Variants in SLC4A4 observed in about 807,000 individuals in gnomAD.
SLC4A4 encodes the protein electrogenic sodium bicarbonate cotransporter 1.
In SLC4A4, 27 loss-of-function variants were observed where a neutral mutation model predicts 111.5. That is an observed-to-expected ratio of 0.24 (90% CI 0.18 to 0.33). The LOEUF (loss-of-function observed/expected upper bound fraction) is 0.33, where lower values mean the gene tolerates loss of function less well. Among genes scored for constraint, SLC4A4 ranks in the 10% least tolerant of loss-of-function variants. The pLI is 1.00. For missense variants in SLC4A4, 909 were observed against 1,315.5 expected, an observed-to-expected ratio of 0.69 and a Z score of 4.78; for synonymous variants, 443 against 463.4, an observed-to-expected ratio of 0.96 and a Z score of 0.57.
intron 16 of SLC4A4, among the ~76,000 whole-genome samples, chr4:71,505,867 A>G (rs553226567): frequency 2.0e-5 from 3 of 152,142 alleles, no homozygotes; most frequent in African/African-American, 7.2e-5. Flanking sequence ...TAATTTTTGT[A>G]TATGGTATAA....
rs145121498 is a variant in SLC4A4 at position 71,260,005 on chromosome 4, G to A, written c.253+4606G>A. Among the ~76,000 whole-genome samples the A allele has an allele frequency of 2.5e-3, 383 of 152,286 alleles. 2 individuals carry two copies. Among genetic ancestry groups the A allele is most frequent in the Admixed American group, 5.3e-3 (81 of 15,294 alleles). ...GTCTTGCCCGTTGTGGAATCATAGC[G>A]CTAGGTATGTCCATACAGACACTCA... On this transcript the variant is annotated intron_variant, in intron 3 of 25. Coordinates refer to ENST00000264485, the MANE Select transcript of SLC4A4 (RefSeq NM_001098484.3).
At chr4:71,079,639 G>A (rs1012667704) in intron 1 of SLC4A4, among the ~76,000 whole-genome samples, 3 of 152,058 alleles carry the variant, frequency 2.0e-5, no homozygotes, top group African/African-American at 7.2e-5. Flanking sequence ...AGCTGGGCGT[G>A]GTGGCACACA....
intron 4 of SLC4A4, among the ~76,000 whole-genome samples, chr4:71,342,307 T>C (rs1728963045): frequency 6.6e-6 from 1 of 152,226 alleles, no homozygotes; most frequent in African/African-American, 2.4e-5. Flanking sequence ...CAAAAGCTTT[T>C]TACTAGTGAA....
At chr4:71,241,319 C>CT (rs1248308269) in intron 2 of SLC4A4, among the ~76,000 whole-genome samples, 4 of 151,986 alleles carry the variant, frequency 2.6e-5, no homozygotes, top group Non-Finnish European at 5.9e-5. Flanking sequence ...CTTTATCAAA[C>CT]TTTTTCATTC....
intron 1 of SLC4A4, among the ~76,000 whole-genome samples, chr4:71,091,817 C>A (rs9999256): frequency 0.32 from 48,551 of 151,902 alleles, 7,912 homozygotes; most frequent in African/African-American, 0.39. Flanking sequence ...TTCTGCAAAG[C>A]CGTCTCTCTC....
At chr4:71,127,779 G>A (rs566162328) in intron 2 of SLC4A4, among the ~76,000 whole-genome samples, 6 of 152,148 alleles carry the variant, frequency 3.9e-5, no homozygotes, top group East Asian at 1.9e-4. Flanking sequence ...ACATAACACC[G>A]ATTAGGGTGT....
Position 71,282,528 on chromosome 4 carries a change from G to A in SLC4A4, c.253+27129G>A, listed in dbSNP as rs144709720. ...ACGAACACCTGATATCAGGTGATCC[G>A]CCCACCTCGGCCTCCCAAAGTGCTG... On this transcript the variant is annotated intron_variant, in intron 3 of 25. Coordinates refer to ENST00000264485, the MANE Select transcript of SLC4A4 (RefSeq NM_001098484.3). Among the ~76,000 whole-genome samples the A allele has an allele frequency of 9.2e-5, 14 of 151,662 alleles. No homozygotes were observed. In the East Asian group the frequency reaches 9.7e-4, roughly 11 times the overall value.
intron 6 of SLC4A4, among the ~76,000 whole-genome samples, chr4:71,360,241 C>T (rs1330609323): frequency 1.3e-5 from 2 of 152,084 alleles, no homozygotes; most frequent in Admixed American, 6.6e-5. Flanking sequence ...TTGTGCATCT[C>T]TTCCCTCAGT....
In SLC4A4 at chr4:71,231,567, G is replaced by A. The variant is rs578144833; in HGVS notation, c.-1-5009G>A. ...TCTGTAGAAAGGGTATAACTTGTAC[G>A]GTCAGAGGCCTGGCTGAAGGAAGGC... is the stretch of plus-strand genomic sequence containing the variant. On this transcript the variant is annotated intron_variant, in intron 1 of 25. Coordinates refer to ENST00000264485, the MANE Select transcript of SLC4A4 (RefSeq NM_001098484.3). Among the ~76,000 whole-genome samples, 5 of 152,294 alleles carry A rather than the reference G, an allele frequency of 3.3e-5. No individual in the cohort carries two copies. The South Asian group carries it at 6.2e-4, about 19-fold the overall frequency.
chr4:71,342,245 G>A (rs1391971711), intron 4 of SLC4A4, among the ~76,000 whole-genome samples: 1 of 152,164 alleles, frequency 6.6e-6, no homozygotes, highest in Non-Finnish European at 1.5e-5. Flanking sequence ...AAAATCCTCT[G>A]TAAAGTAAAA....
chr4:71,520,649 A>T (rs1294222849), intron 16 of SLC4A4, among the ~76,000 whole-genome samples: 1 of 152,206 alleles, frequency 6.6e-6, no homozygotes, highest in Non-Finnish European at 1.5e-5. Flanking sequence ...TTCTGGCTCC[A>T]TTTCCTATAC....
At chr4:71,242,266 T>A (rs1200817558) in intron 2 of SLC4A4, among the ~76,000 whole-genome samples, 1 of 152,354 alleles carries the variant, frequency 6.6e-6, no homozygotes, top group Admixed American at 6.5e-5. Flanking sequence ...AGTACACTTA[T>A]AGCAGTTTTG....
chr4:71,196,659 G>T (rs1349124448), intron 1 of SLC4A4, among the ~76,000 whole-genome samples: 1 of 151,232 alleles, frequency 6.6e-6, no homozygotes, highest in East Asian at 1.9e-4. Context: ...TTAATGGAGG[G>T]ATACTTAGTA....
intron 3 of SLC4A4, among the ~76,000 whole-genome samples, chr4:71,294,364 G>C (rs1358984077): frequency 6.6e-6 from 1 of 152,160 alleles, no homozygotes; most frequent in Non-Finnish European, 1.5e-5. Flanking sequence ...TGGAGACCTT[G>C]GTAAACTCAT....
chr4:71,225,957 A>G (rs1042431692), intron 1 of SLC4A4, among the ~76,000 whole-genome samples: 2 of 152,228 alleles, frequency 1.3e-5, no homozygotes, highest in Admixed American at 6.5e-5. Context: ...AAACTAAGCT[A>G]CAATTTCTAG....
intron 1 of SLC4A4, among the ~76,000 whole-genome samples, chr4:71,204,384 G>A (rs1247034369): frequency 6.6e-6 from 1 of 152,168 alleles, no homozygotes; most frequent in Non-Finnish European, 1.5e-5. Context: ...TTTTAGAGGT[G>A]TCTTTGCTTT....
chr4:71,290,021 T>C (rs183362458), intron 3 of SLC4A4, among the ~76,000 whole-genome samples: 1 of 152,220 alleles, frequency 6.6e-6, no homozygotes, highest in South Asian at 2.1e-4. Context: ...GGAGCTGTTT[T>C]GTAACCTAGA....
intron 2 of SLC4A4, among the ~76,000 whole-genome samples, chr4:71,254,012 T>C (rs964169753): frequency 1.3e-5 from 2 of 152,194 alleles, no homozygotes; most frequent in African/African-American, 2.4e-5. Flanking sequence ...TTTTTAGATA[T>C]ACCCCGTAGG....
chr4:71,429,886 T>G (rs987399142), intron 7 of SLC4A4, among the ~76,000 whole-genome samples: 1 of 152,180 alleles, frequency 6.6e-6, no homozygotes, highest in Non-Finnish European at 1.5e-5. Context: ...GTTTTATCTT[T>G]TATTGTTCTT....
Sources: allele counts gnomAD v4.1 joint callset (sites outside exome capture counted in the v4.1 genomes callset), GRCh38; gene constraint gnomAD v4.1.1; transcripts MANE v1.5; gene names NCBI Gene and HGNC (gene_info 2026-07-23, HGNC 2026-07-21).